Variants in SAP130 observed in about 807,000 individuals in gnomAD.
SAP130 encodes the protein histone deacetylase complex subunit SAP130.
Under a neutral mutation model 103.2 loss-of-function variants are expected in SAP130, and 16 were observed. The observed-to-expected ratio is 0.16, with a 90% CI of 0.10 to 0.24. SAP130 has a LOEUF of 0.24. Ranked by LOEUF, SAP130 falls within the 10% of genes least tolerant of loss-of-function variation. SAP130 has a pLI of 1.00. For synonymous variants in SAP130, 477 were observed against 497.0 expected (o/e 0.96, Z 0.53); for missense variants, 990 against 1,359.7 (o/e 0.73, Z 4.28).
At chr2:128,010,416 T>C in intron 6 of SAP130, 23 bp from the exon 7 acceptor site, 1 of 1,595,458 alleles carries the variant, frequency 6.3e-7, no homozygotes, top group Non-Finnish European at 8.5e-7. Flanking sequence ...AAAAAACAGT[T>C]CATTTAAAAC....
Position 127,986,797 on chromosome 2 carries a change from G to A in SAP130, c.1946C>T (p.Pro649Leu), listed in dbSNP as rs1206219314. The change falls in exon 14 of 21, where the codon CCT becomes CTT. Residue 649 changes from proline to leucine, a missense_variant. Physicochemically the swap from Pro to Leu is moderately conservative, Grantham distance 98 (BLOSUM62 -3). This residue lies in a region of SAP130 where 349 missense variants were observed against 384.1 expected (regional missense o/e 0.91). Transcript: ENST00000643581. This position sits in a 1 kb window ranked among gnomAD's most constrained non-coding sequence, Gnocchi z 4.7. ...CAGGTCTACTCACCCATCTGTGGCA[G>A]GTTTCTTCCGGAGTATGCTTGGCCG... ...SPRPSILRKK[P>L]ATDGMAVRKT... The A allele has an allele frequency of 6.2e-7, 1 of 1,613,762 alleles. No homozygotes were observed. The highest frequency in any genetic ancestry group is 1.3e-5 in the African/African-American group (1 of 74,924).
At chr2:127,969,651 G>A (rs1030791461) in intron 15 of SAP130, among the ~76,000 whole-genome samples, 5 of 152,166 alleles carry the variant, frequency 3.3e-5, no homozygotes, top group Non-Finnish European at 4.4e-5. Context: ...TTCTTTCTGC[G>A]GGCTTGAAGG....
At chr2:127,950,775 T>A (rs1679446022) in intron 16 of SAP130, among the ~76,000 whole-genome samples, 2 of 152,192 alleles carry the variant, frequency 1.3e-5, no homozygotes, top group Non-Finnish European at 2.9e-5. Context: ...GATCTCCTTG[T>A]CTTCTTTCTG....
At chr2:128,027,193 C>T in intron 1 of SAP130, 1 of 1,230,770 alleles carries the variant, frequency 8.1e-7, no homozygotes, top group Non-Finnish European at 1.0e-6. Flanking sequence ...TCGGCGGGCG[C>T]GGGGAGGGAT....
At position 128,011,049 on chromosome 2, in the gene SAP130, T is replaced by A. The variant is rs149988404; in HGVS notation, c.745-656A>T. On this transcript the variant is annotated intron_variant, in intron 6 of 20. Transcript: ENST00000643581. ...AATTCTGCCCTACTATTGGTACCAA[T>A]GGGATCTCACCCTTCAATCTAGAGT... 3.1e-4 allele frequency among the ~76,000 whole-genome samples: 47 copies of A among 152,070 alleles called. 1 individual carries two copies. The South Asian group carries it at 6.4e-3, about 21-fold the overall frequency.
intron 1 of SAP130, among the ~76,000 whole-genome samples, chr2:128,026,920 G>A (rs1307289651): frequency 6.6e-6 from 1 of 152,144 alleles, no homozygotes; most frequent in Non-Finnish European, 1.5e-5. Context: ...TCCCTCAGGA[G>A]CCAAGCGATC....
intron 3 of SAP130, 40 bp downstream of exon 3, chr2:128,017,640 G>T: frequency 1.3e-6 from 2 of 1,522,764 alleles, no homozygotes; most frequent in Non-Finnish European, 1.8e-6. Context: ...AGCCAGTCTC[G>T]AGCTCTGGTT....
chr2:128,023,726 G>A (rs948143050), intron 2 of SAP130, among the ~76,000 whole-genome samples: 5 of 152,142 alleles, frequency 3.3e-5, no homozygotes, highest in African/African-American at 9.7e-5. Context: ...GCAGTGAGCC[G>A]AGATCATGCT....
chr2:128,016,342 G>A (rs1384974595), intron 4 of SAP130, 47 bp downstream of exon 4: 9 of 1,578,350 alleles, frequency 5.7e-6, no homozygotes, highest in Non-Finnish European at 7.8e-6. Flanking sequence ...ATGATCAACA[G>A]TTTGGCATTT....
chr2:127,954,154 T>C (rs991434275), intron 16 of SAP130, among the ~76,000 whole-genome samples: 11 of 152,164 alleles, frequency 7.2e-5, no homozygotes, highest in Admixed American at 5.2e-4. Context: ...ATGGTATCTT[T>C]TGAAGAAAGT....
chr2:128,001,964 G>A (rs1429006916), intron 7 of SAP130, among the ~76,000 whole-genome samples: 1 of 150,622 alleles, frequency 6.6e-6, no homozygotes, highest in Non-Finnish European at 1.5e-5. Flanking sequence ...GTCTCACTCT[G>A]TCACTAGGCT....
chr2:127,985,642 AG>A (rs1414247123), intron 14 of SAP130, among the ~76,000 whole-genome samples: 1 of 152,090 alleles, frequency 6.6e-6, no homozygotes, highest in Non-Finnish European at 1.5e-5. Context: ...GAAGGGGAGT[AG>A]GGAAGTGCTG....
rs367670717 is a variant in SAP130, at chr2:128,012,733, C to T, written c.744+297G>A. ...CCAAATTAAAATCCCTCAATCCTAG[C>T]TAGCCTTTACTAACTGCTGTCTACA... is the stretch of plus-strand genomic sequence containing the variant. On this transcript the variant is annotated intron_variant, in intron 6 of 20. Transcript: ENST00000643581. 1.9e-4 allele frequency among the ~76,000 whole-genome samples: 29 copies of T among 151,964 alleles called. No homozygotes were observed. The South Asian group carries it at 6.0e-3, about 32-fold the overall frequency.
intron 7 of SAP130, among the ~76,000 whole-genome samples, chr2:128,008,095 C>A (rs1684100584): frequency 1.3e-5 from 2 of 152,198 alleles, no homozygotes; most frequent in African/African-American, 4.8e-5. Context: ...TAGTGGTGCC[C>A]CGCCAGCTTC....
At chr2:127,959,947 C>T (rs951408783) in intron 15 of SAP130, among the ~76,000 whole-genome samples, 3 of 152,144 alleles carry the variant, frequency 2.0e-5, no homozygotes, top group Non-Finnish European at 2.9e-5. Flanking sequence ...TGGCTCTTCA[C>T]AGGCATGATC....
intron 7 of SAP130, among the ~76,000 whole-genome samples, chr2:128,002,741 AAAAC>A (rs377495334): frequency 6.6e-5 from 10 of 152,148 alleles, no homozygotes; most frequent in Admixed American, 1.3e-4. Context: ...CAAAAAACAA[AAAAC>A]AAACAAAAAA....
At chr2:127,945,708 A>C in intron 18 of SAP130, 149 bp from the exon 19 acceptor site, 1 of 608,006 alleles carries the variant, frequency 1.6e-6, no homozygotes, top group Non-Finnish European at 2.9e-6. Context: ...GCTGAAGTGC[A>C]GTGGTACAAT....
At chr2:127,956,900 C>CTGTGTTGTT (rs1416900440) in intron 15 of SAP130, among the ~76,000 whole-genome samples, 3 of 152,060 alleles carry the variant, frequency 2.0e-5, no homozygotes, top group Non-Finnish European at 4.4e-5. Context: ...ACAGAAGTTT[C>CTGTGTTGTT]TGTGTTGTTG....
At chr2:128,009,426 G>A (rs997525199) in intron 7 of SAP130, among the ~76,000 whole-genome samples, 4 of 152,122 alleles carry the variant, frequency 2.6e-5, no homozygotes, top group African/African-American at 4.8e-5. Flanking sequence ...AGCCATGATC[G>A]TGCCACTATA....
Sources: allele counts gnomAD v4.1 joint callset (sites outside exome capture counted in the v4.1 genomes callset), GRCh38; gene constraint gnomAD v4.1.1; regional missense constraint gnomAD v4.1.1; non-coding constraint Gnocchi (gnomAD v3.1); transcripts MANE v1.5; gene names NCBI Gene and HGNC (gene_info 2026-07-23, HGNC 2026-07-21).